Variants in RASGRF2 observed in about 807,000 individuals in gnomAD.
RASGRF2 encodes the protein ras-specific guanine nucleotide-releasing factor 2.
A neutral mutation model predicts 151.0 loss-of-function variants in RASGRF2; 76 were observed. That is an observed-to-expected ratio of 0.50 (90% CI 0.42 to 0.61). RASGRF2 has a LOEUF of 0.61. Ranked by LOEUF, RASGRF2 falls within the 20% of genes least tolerant of loss-of-function variation. The probability of loss-of-function intolerance (pLI) is 0.00; values close to 1 mark genes in which losing one functional copy is unlikely to be tolerated. For synonymous variants in RASGRF2, 504 were observed against 566.5 expected (o/e 0.89, Z 1.57); for missense variants, 1,148 against 1,564.6 (o/e 0.73, Z 4.49).
chr5:81,229,498 CA>C lies in RASGRF2; in HGVS notation c.*3732del, dbSNP rs1756066469. 1 of 152,050 alleles carries C rather than the reference CA, an allele frequency of 6.6e-6. No homozygotes were observed. Among genetic ancestry groups the C allele is most frequent in the Non-Finnish European group, 1.5e-5 (1 of 68,012 alleles). The allele number at this position is 152,050 out of a possible 1,614,324, so 9.4% of individuals were successfully genotyped here. A position where few individuals can be genotyped will look rare whatever the true frequency, so the allele number is the denominator to read the frequency against. On this transcript the variant is annotated 3_prime_UTR_variant, in exon 27 of 27. Transcript: ENST00000265080. The stretch of plus-strand genomic sequence containing the variant: ...ACTTAAAATTAAGATGAGGCAGAGC[CA>C]AAATGGAAAACAGTCATTTTGTTGT...
At position 81,127,315 on chromosome 5, in the gene RASGRF2, G is replaced by A. The variant is rs144664936; in HGVS notation, c.2686+152G>A. ...GAAGCAGAAGGATTGCTTGAGACCA[G>A]TAGTTTGAGACTAGCCAGGGCAACA... On this transcript the variant is annotated intron_variant, in intron 17 of 26. Transcript: ENST00000265080. 4.1e-5 allele frequency: 32 copies of A among 786,432 alleles called. No individual in the cohort carries two copies. In the South Asian group the frequency reaches 4.1e-4, roughly 10 times the overall value. The allele number at this position is 786,432 out of a possible 1,614,324, so 48.7% of individuals were successfully genotyped here.
chr5:80,985,817 G>C (rs11749489), intron 1 of RASGRF2, among the ~76,000 whole-genome samples: 30,133 of 152,124 alleles, frequency 0.2, 3,770 homozygotes, highest in Middle Eastern at 0.4. Context: ...AATTGAAAGT[G>C]AACTAAGGCC....
At chr5:81,136,880 T>A (rs551862534) in intron 17 of RASGRF2, among the ~76,000 whole-genome samples, 3 of 152,216 alleles carry the variant, frequency 2.0e-5, no homozygotes, top group African/African-American at 7.2e-5. Context: ...TTCCCTCAGC[T>A]ATGTTGAGTC....
At chr5:80,992,001 G>C (rs558290573) in intron 1 of RASGRF2, among the ~76,000 whole-genome samples, 1 of 152,112 alleles carries the variant, frequency 6.6e-6, no homozygotes, top group African/African-American at 2.4e-5. Flanking sequence ...ATTCCCATTA[G>C]GAAGGTCATA....
intron 1 of RASGRF2, among the ~76,000 whole-genome samples, chr5:81,007,607 C>T (rs908692540): frequency 1.3e-5 from 2 of 152,084 alleles, no homozygotes; most frequent in East Asian, 1.9e-4. Context: ...GAAAAATTCA[C>T]GCCAACAAAC....
chr5:81,215,790 G>T (rs1433317734), intron 23 of RASGRF2, 86 bp from the exon 24 acceptor site: 1 of 1,381,584 alleles, frequency 7.2e-7, no homozygotes, highest in African/African-American at 1.5e-5. Context: ...TGTCACCAAA[G>T]AAGAGAACTG....
chr5:81,089,357 C>CGTGCATGTGTGCATGT (rs879916333), intron 9 of RASGRF2, among the ~76,000 whole-genome samples: 6 of 151,754 alleles, frequency 4.0e-5, no homozygotes, highest in Non-Finnish European at 8.8e-5. Flanking sequence ...TGTGTGCATG[C>CGTGCATGTGTGCATGT]GTGCATGTGT....
chr5:81,112,814 A>T lies in RASGRF2; in HGVS notation c.2043A>T (p.Lys681Asn). 1 of 1,613,046 alleles carries T rather than the reference A, an allele frequency of 6.2e-7. No individual in the cohort carries two copies. Among genetic ancestry groups the T allele is most frequent in the Non-Finnish European group, 8.5e-7 (1 of 1,179,780 alleles). The change falls in exon 14 of 27, where the codon AAA becomes AAT. Residue 681 changes from lysine to asparagine, a missense_variant. Physicochemically the swap from Lys to Asn is moderately conservative, Grantham distance 94. Transcript: ENST00000265080. Reference sequence around the variant, plus strand: ...CTACTGCCGCTGTGGTGCTGGGGAAACTCTCCGACATATACAAGAGGCCTT... The same window carrying T: ...CTACTGCCGCTGTGGTGCTGGGGAATCTCTCCGACATATACAAGAGGCCTT... The part of the protein sequence containing the change: ...IFTTAAVVLG[K>N]LSDIYKRPFT...
At chr5:81,006,058 G>A (rs1360787545) in intron 1 of RASGRF2, among the ~76,000 whole-genome samples, 1 of 152,022 alleles carries the variant, frequency 6.6e-6, no homozygotes, top group East Asian at 1.9e-4. Flanking sequence ...AGATATGAAG[G>A]GAAATATTTC....
At chr5:81,195,910 C>T (rs1755254876) in intron 18 of RASGRF2, among the ~76,000 whole-genome samples, 1 of 152,148 alleles carries the variant, frequency 6.6e-6, no homozygotes, top group South Asian at 2.1e-4. Context: ...GACGGGAGAC[C>T]ATGAGATTAT....
intron 18 of RASGRF2, among the ~76,000 whole-genome samples, chr5:81,189,422 A>G (rs1354829517): frequency 6.6e-6 from 1 of 152,092 alleles, no homozygotes; most frequent in Non-Finnish European, 1.5e-5. Context: ...TTAAATGACT[A>G]ATGAGTTGTC....
intron 20 of RASGRF2, 49 bp downstream of exon 20, chr5:81,206,954 C>T (rs774533100): frequency 7.0e-7 from 1 of 1,418,526 alleles, no homozygotes; most frequent in East Asian, 2.3e-5. Context: ...CAAACTACCT[C>T]TCCAAGGCGA....
intron 25 of RASGRF2, 88 bp from the exon 26 acceptor site, chr5:81,219,622 A>C (rs1755815357): frequency 3.0e-3 from 2,524 of 828,632 alleles, no homozygotes; most frequent in Non-Finnish European, 4.2e-3. Flanking sequence ...CCTTCTGGGA[A>C]GAGGCCTCAG....
intron 26 of RASGRF2, among the ~76,000 whole-genome samples, chr5:81,220,413 A>C (rs2124889): frequency 0.017 from 2,590 of 152,326 alleles, 72 homozygotes; most frequent in African/African-American, 0.058. Context: ...TATACCTCAC[A>C]GCCAATGTCC....
chr5:81,096,176 A>G (rs929651599), intron 12 of RASGRF2: 5 of 152,210 alleles, frequency 3.3e-5, no homozygotes, highest in African/African-American at 7.2e-5. Flanking sequence ...AATAGCTAGA[A>G]AAGAAGCCAT....
chr5:81,070,171 A>C (rs991626984), intron 3 of RASGRF2: 3 of 299,446 alleles, frequency 1.0e-5, no homozygotes, highest in African/African-American at 6.4e-5. Context: ...GAGGGGATGG[A>C]CATATCACTG....
chr5:81,084,704 G>A (rs1452902060), intron 7 of RASGRF2, among the ~76,000 whole-genome samples: 1 of 152,140 alleles, frequency 6.6e-6, no homozygotes, highest in African/African-American at 2.4e-5. Flanking sequence ...CCCTAGGTAG[G>A]GCCACTGACC....
At chr5:81,177,674 T>C (rs981990199) in intron 17 of RASGRF2, among the ~76,000 whole-genome samples, 1 of 151,518 alleles carries the variant, frequency 6.6e-6, no homozygotes, top group Non-Finnish European at 1.5e-5. Flanking sequence ...AAGTGTACAA[T>C]TTCAAATGTG....
intron 13 of RASGRF2, among the ~76,000 whole-genome samples, chr5:81,111,840 C>T (rs1753003793): frequency 6.6e-6 from 1 of 152,162 alleles, no homozygotes; most frequent in Admixed American, 6.5e-5. Context: ...GTGAGGAAAG[C>T]ACAAATGTAC....
Sources: allele counts gnomAD v4.1 joint callset (sites outside exome capture counted in the v4.1 genomes callset), GRCh38; gene constraint gnomAD v4.1.1; transcripts MANE v1.5; gene names NCBI Gene and HGNC (gene_info 2026-07-23, HGNC 2026-07-21).